NKAIN3: variants seen among roughly 807,000 people sequenced by gnomAD.
NKAIN3 encodes sodium/potassium-transporting ATPase subunit beta-1-interacting protein 3.
Under a neutral mutation model 30.2 loss-of-function variants are expected in NKAIN3, and 25 were observed. That is an observed-to-expected ratio of 0.83 (90% CI 0.60 to 1.16). NKAIN3 has a LOEUF of 1.16. Ranked by LOEUF, NKAIN3 falls within the 50% of genes most tolerant of loss-of-function variation. The probability of loss-of-function intolerance (pLI) is 0.00; values close to 1 mark genes in which losing one functional copy is unlikely to be tolerated. For synonymous variants in NKAIN3, 91 were observed against 89.6 expected (o/e 1.02, Z -0.09); for missense variants, 225 against 254.1 (o/e 0.89, Z 0.78).
At chr8:62,759,357 T>A (rs28571161) in intron 4 of NKAIN3, among the ~76,000 whole-genome samples, 13,347 of 152,166 alleles carry the variant, frequency 0.088, 606 homozygotes, top group Middle Eastern at 0.092. Context: ...TAGAAATCAA[T>A]TCAATTCTCC....
intron 4 of NKAIN3, among the ~76,000 whole-genome samples, chr8:62,895,698 G>A (rs929792933): frequency 2.4e-4 from 36 of 152,262 alleles, no homozygotes; most frequent in African/African-American, 8.4e-4. Context: ...GCATCAAGCT[G>A]TAAACTTACT....
intron 1 of NKAIN3, among the ~76,000 whole-genome samples, chr8:62,297,760 T>C (rs1311380397): frequency 6.6e-6 from 1 of 152,170 alleles, no homozygotes; most frequent in Non-Finnish European, 1.5e-5. Flanking sequence ...TGGAAGTCAG[T>C]GTGGCGATTC....
intron 1 of NKAIN3, chr8:62,383,551 A>G (rs1817337899): frequency 2.2e-6 from 1 of 454,788 alleles, no homozygotes; most frequent in Non-Finnish European, 4.4e-6. Flanking sequence ...GCATCTTGAA[A>G]CTCATCTGCT....
At chr8:62,595,472 G>A (rs899785421) in intron 3 of NKAIN3, among the ~76,000 whole-genome samples, 21 of 146,950 alleles carry the variant, frequency 1.4e-4, no homozygotes, top group Non-Finnish European at 2.7e-4. Context: ...GGGACCCAAA[G>A]GGGGTTGCCA....
chr8:62,539,132 G>C (rs1376569042), intron 1 of NKAIN3, among the ~76,000 whole-genome samples: 1 of 152,150 alleles, frequency 6.6e-6, no homozygotes, highest in Non-Finnish European at 1.5e-5. Context: ...GTCCTGAAAC[G>C]TGTTTATCAT....
intron 3 of NKAIN3, among the ~76,000 whole-genome samples, chr8:62,726,067 A>C (rs1326511736): frequency 1.3e-5 from 2 of 151,954 alleles, no homozygotes; most frequent in African/African-American, 4.8e-5. Flanking sequence ...TCTTTGGTTA[A>C]ATTAATCTTA....
chr8:62,771,002 G>A (rs893363125), intron 4 of NKAIN3, among the ~76,000 whole-genome samples: 3 of 152,074 alleles, frequency 2.0e-5, no homozygotes, highest in African/African-American at 4.8e-5. Flanking sequence ...ACAAGAAAGT[G>A]TGACTCAAAC....
chr8:62,307,283 A>G (rs1037806971), intron 1 of NKAIN3, among the ~76,000 whole-genome samples: 1 of 149,064 alleles, frequency 6.7e-6, no homozygotes, highest in Non-Finnish European at 1.5e-5. Context: ...AAAAAAAAAA[A>G]AATTCTGAAA....
At chr8:62,327,239 GTAAATACTTTGTCCCA>G (rs1815173702) in intron 1 of NKAIN3, among the ~76,000 whole-genome samples, 2 of 151,956 alleles carry the variant, frequency 1.3e-5, no homozygotes. Context: ...TATATGATTT[GTAAATACTTTGTCCCA>G]TTCCGTGGAT....
intron 1 of NKAIN3, among the ~76,000 whole-genome samples, chr8:62,281,259 C>T (rs1813176581): frequency 6.6e-6 from 1 of 151,820 alleles, no homozygotes; most frequent in African/African-American, 2.4e-5. Flanking sequence ...TTTGATTCTT[C>T]TCTCTTTTCT....
At chr8:62,614,605 G>A (rs898056486) in intron 3 of NKAIN3, among the ~76,000 whole-genome samples, 4 of 152,082 alleles carry the variant, frequency 2.6e-5, no homozygotes, top group African/African-American at 9.7e-5. Context: ...AGCTCCCCCA[G>A]GCCCTGGATG....
In NKAIN3 at chr8:62,974,292, A is replaced by G. The variant is rs1423395998; in HGVS notation, c.*8885A>G. 6.6e-6 allele frequency among the ~76,000 whole-genome samples: 1 copy of G among 152,150 alleles called. No individual in the cohort carries two copies. Among genetic ancestry groups the G allele is most frequent in the Non-Finnish European group, 1.5e-5 (1 of 68,012 alleles). On this transcript the variant is annotated 3_prime_UTR_variant, in exon 7 of 7. Coordinates refer to ENST00000623646, the MANE Select transcript of NKAIN3 (RefSeq NM_001304533.3). ...TTTACAATATTGATTCTTCCTATCC[A>G]TGAGCATGGAATGTTTTTCCATTTG...
At chr8:62,556,746 G>T (rs749841233) in intron 1 of NKAIN3, among the ~76,000 whole-genome samples, 2 of 151,684 alleles carry the variant, frequency 1.3e-5, no homozygotes, top group African/African-American at 2.4e-5. Flanking sequence ...TAGCCATTTT[G>T]AACTTATATT....
At chr8:62,264,733 A>G (rs1174156878) in intron 1 of NKAIN3, among the ~76,000 whole-genome samples, 1 of 152,174 alleles carries the variant, frequency 6.6e-6, no homozygotes, top group Non-Finnish European at 1.5e-5. Context: ...TTTATGATAC[A>G]GCATCCTCAC....
At chr8:62,850,437 T>C (rs1819857062) in intron 4 of NKAIN3, among the ~76,000 whole-genome samples, 1 of 152,100 alleles carries the variant, frequency 6.6e-6, no homozygotes, top group South Asian at 2.1e-4. Flanking sequence ...TTTCTTTTGC[T>C]GTGCAGAAGC....
At chr8:62,300,310 TATTAA>T (rs1814001023) in intron 1 of NKAIN3, among the ~76,000 whole-genome samples, 1 of 152,096 alleles carries the variant, frequency 6.6e-6, no homozygotes, top group African/African-American at 2.4e-5. Context: ...GTATAAACAA[TATTAA>T]ATTAAACGAG....
chr8:62,694,512 C>T (rs1814092267), intron 3 of NKAIN3, among the ~76,000 whole-genome samples: 1 of 152,056 alleles, frequency 6.6e-6, no homozygotes, highest in Non-Finnish European at 1.5e-5. Context: ...TGGATCATAT[C>T]AAAGTGGATT....
chr8:62,572,080 C>T (rs990230919), intron 1 of NKAIN3, among the ~76,000 whole-genome samples: 5 of 152,120 alleles, frequency 3.3e-5, no homozygotes, highest in African/African-American at 7.2e-5. Context: ...TCTATTGCCT[C>T]GTCAGGCTGC....
intron 4 of NKAIN3, among the ~76,000 whole-genome samples, chr8:62,801,469 G>A (rs561815220): frequency 7.9e-5 from 12 of 152,284 alleles, no homozygotes; most frequent in East Asian, 3.9e-4. Flanking sequence ...ATGAAAACCC[G>A]CTGTTCTGCA....
Sources: gnomAD v4.1 joint callset for allele counts (sites outside exome capture counted in the v4.1 genomes callset) on GRCh38, gnomAD v4.1.1 for gene constraint, MANE v1.5 for transcripts, NCBI Gene and HGNC (gene_info 2026-07-23, HGNC 2026-07-21) for gene names.